Variants in UGT1A8 observed in about 807,000 individuals in gnomAD.
The protein encoded by UGT1A8 is UDP-glucuronosyltransferase 1A8.
In UGT1A8, 39 loss-of-function variants were observed where a neutral mutation model predicts 45.3. That is an observed-to-expected ratio of 0.86 (90% confidence interval 0.67 to 1.12). UGT1A8 has a LOEUF of 1.12. Among genes scored for constraint, UGT1A8 ranks in the 50% most tolerant of loss-of-function variants. The pLI is 0.00. For synonymous variants in UGT1A8, 275 were observed against 249.2 expected (o/e 1.10, Z -0.97); for missense variants, 719 against 664.9 (o/e 1.08, Z -0.90).
chr2:233,743,437 C>G (rs1376111647), intron 1 of UGT1A8: 4 of 1,360,536 alleles, frequency 2.9e-6, no homozygotes, highest in East Asian at 4.6e-5. Flanking sequence ...GGAACGAAAT[C>G]CTGTATCAAA....
intron 1 of UGT1A8, chr2:233,692,897 G>T (rs2075119141): frequency 5.2e-6 from 8 of 1,538,902 alleles, no homozygotes. Flanking sequence ...GGGAGAGGTA[G>T]ACAGGACCTG....
At chr2:233,672,392 G>C (rs916615602) in intron 1 of UGT1A8, 5 of 1,613,892 alleles carry the variant, frequency 3.1e-6, no homozygotes, top group Non-Finnish European at 4.2e-6. Flanking sequence ...TTTGATAACT[G>C]TGGCTTAATT....
At chr2:233,707,472 T>C in intron 1 of UGT1A8, among the ~76,000 whole-genome samples, 1 of 152,136 alleles carries the variant, frequency 6.6e-6, no homozygotes, top group Non-Finnish European at 1.5e-5. Flanking sequence ...CTGTAAATAA[T>C]ACAGATGATT....
At chr2:233,722,141 C>T (rs542945200) in intron 1 of UGT1A8, 1 of 165,432 alleles carries the variant, frequency 6.0e-6, no homozygotes, top group South Asian at 1.7e-4. Context: ...TTTAAGACTC[C>T]TGCAGGACAA....
In UGT1A8 at chr2:233,650,668, C is replaced by T. The variant is rs1195160368; in HGVS notation, c.855+32106C>T. On this transcript the variant is annotated intron_variant, in intron 1 of 4. Transcript: ENST00000373450. ...TTTCACCATTCTTCCACTCATATCTCAGCATAAATTTTATGCTATTGCTTC... is the reference window on the plus strand; with the variant it reads ...TTTCACCATTCTTCCACTCATATCTTAGCATAAATTTTATGCTATTGCTTC... Among the ~76,000 whole-genome samples the T allele has an allele frequency of 3.3e-5, 5 of 152,186 alleles. No individual in the cohort carries two copies. In the South Asian group the frequency reaches 1.0e-3, roughly 31 times the overall value.
intron 1 of UGT1A8, among the ~76,000 whole-genome samples, chr2:233,757,319 C>T (rs999230342): frequency 1.7e-4 from 25 of 147,060 alleles, no homozygotes; most frequent in Non-Finnish European, 3.3e-4. Flanking sequence ...GGGGCTGGGG[C>T]CCTGAAATGG....
chr2:233,724,335 G>T (rs2077226383), intron 1 of UGT1A8, among the ~76,000 whole-genome samples: 1 of 147,968 alleles, frequency 6.8e-6, no homozygotes, highest in Admixed American at 6.7e-5. Flanking sequence ...CCAGGCGGGG[G>T]GCTGACCCCC....
intron 1 of UGT1A8, among the ~76,000 whole-genome samples, chr2:233,665,903 C>T (rs973283387): frequency 1.1e-4 from 17 of 152,202 alleles, no homozygotes; most frequent in African/African-American, 3.4e-4. Flanking sequence ...CTCCCACCAC[C>T]TGCATATGAG....
intron 1 of UGT1A8, among the ~76,000 whole-genome samples, chr2:233,710,685 A>T (rs2076142987): frequency 9.2e-5 from 14 of 152,132 alleles, no homozygotes; most frequent in Admixed American, 9.2e-4. Flanking sequence ...GTTTCTGTTT[A>T]CTTCTGGTGT....
At chr2:233,668,456 T>C (rs780610260) in intron 1 of UGT1A8, among the ~76,000 whole-genome samples, 39 of 152,366 alleles carry the variant, frequency 2.6e-4, no homozygotes, top group Non-Finnish European at 5.1e-4. Flanking sequence ...AGTCTACCAC[T>C]GATGGACATT....
At chr2:233,637,222 A>C in intron 1 of UGT1A8, 1 of 1,613,970 alleles carries the variant, frequency 6.2e-7, no homozygotes, top group Non-Finnish European at 8.5e-7. Context: ...AGCCTCTGAA[A>C]TTCTCCAAAC....
intron 1 of UGT1A8, chr2:233,693,243 T>C: frequency 6.2e-7 from 1 of 1,614,170 alleles, no homozygotes; most frequent in Non-Finnish European, 8.5e-7. Flanking sequence ...ATCTATCCAG[T>C]GCCGTATGAC....
chr2:233,656,723 C>G (rs1366118458), intron 1 of UGT1A8, among the ~76,000 whole-genome samples: 1 of 152,044 alleles, frequency 6.6e-6, no homozygotes, highest in African/African-American at 2.4e-5. Context: ...GCGTGTCCAG[C>G]CTTCTGTCCC....
At chr2:233,728,849 G>A (rs1362831575) in intron 1 of UGT1A8, among the ~76,000 whole-genome samples, 2 of 152,182 alleles carry the variant, frequency 1.3e-5, no homozygotes, top group East Asian at 3.8e-4. Context: ...TTGGGAATTG[G>A]ATGAGAAACA....
At chr2:233,645,216 A>G (rs1284485888) in intron 1 of UGT1A8, among the ~76,000 whole-genome samples, 1 of 152,210 alleles carries the variant, frequency 6.6e-6, no homozygotes, top group African/African-American at 2.4e-5. Context: ...CTATCAAGAG[A>G]ACAGCATGGG....
intron 1 of UGT1A8, chr2:233,691,490 G>A (rs2075045051): frequency 5.1e-6 from 5 of 985,774 alleles, no homozygotes; most frequent in Non-Finnish European, 4.8e-6. Flanking sequence ...TTGTGGGTGG[G>A]AACAGGAACT....
chr2:233,677,022 T>G (rs2074379355), intron 1 of UGT1A8, among the ~76,000 whole-genome samples: 1 of 152,140 alleles, frequency 6.6e-6, no homozygotes, highest in African/African-American at 2.4e-5. Flanking sequence ...TTGCTTTTGC[T>G]ATTGGAGGTC....
chr2:233,690,751 G>C (rs1022399722), intron 1 of UGT1A8: 2 of 1,174,418 alleles, frequency 1.7e-6, no homozygotes, highest in Admixed American at 3.8e-5. Flanking sequence ...CTAGTGTCCA[G>C]TGCAGACATA....
chr2:233,726,035 G>A (rs1399776855), intron 1 of UGT1A8, among the ~76,000 whole-genome samples: 10 of 152,160 alleles, frequency 6.6e-5, no homozygotes, highest in Admixed American at 4.6e-4. Context: ...GTGTGATGGC[G>A]CACACCTGTG....
Sources: allele counts gnomAD v4.1 joint callset (sites outside exome capture counted in the v4.1 genomes callset), GRCh38; gene constraint gnomAD v4.1.1; transcripts MANE v1.5; gene names NCBI Gene and HGNC (gene_info 2026-07-23, HGNC 2026-07-21).